Variants in PPP1R9A observed in about 807,000 individuals in gnomAD.
The protein encoded by PPP1R9A is protein phosphatase 1 regulatory subunit 9A.
PPP1R9A carries 59 observed loss-of-function variants against 141.9 expected under a neutral mutation model. That is an observed-to-expected ratio of 0.42 (90% CI 0.34 to 0.52). The LOEUF (loss-of-function observed/expected upper bound fraction) is 0.52, where lower values mean the gene tolerates loss of function less well. Among genes scored for constraint, PPP1R9A ranks in the 20% least tolerant of loss-of-function variants. The probability of loss-of-function intolerance (pLI) is 0.10; values close to 1 mark genes in which losing one functional copy is unlikely to be tolerated. For missense variants in PPP1R9A, 1,444 were observed against 1,611.9 expected (o/e 0.90, Z 1.78); for synonymous variants, 500 against 569.7 (o/e 0.88, Z 1.74).
intron 4 of PPP1R9A, among the ~76,000 whole-genome samples, chr7:95,146,436 T>C (rs1039476636): frequency 1.9e-4 from 29 of 152,138 alleles, no homozygotes; most frequent in Admixed American, 9.2e-4. Flanking sequence ...TTTTCTCCCA[T>C]TCTGTAGGTT....
rs780539639 is a variant in PPP1R9A at position 95,269,389 on chromosome 7, G to T, written c.3006G>T (p.Gly1002=). 4.4e-6 allele frequency: 7 copies of T among 1,597,408 alleles called. 1 individual carries two copies. The highest frequency in any genetic ancestry group is 2.7e-5 in the African/African-American group (2 of 74,736). The change falls in exon 14 of 20, where the codon GGG becomes GGT. Residue 1002 remains glycine (G), a synonymous_variant. Coordinates refer to ENST00000433360, the MANE Select transcript of PPP1R9A (RefSeq NM_001166160.2). ...AAGAACCACTGGACCCAGAAATGGG[G>T]CCTCTCTCCTCTATGTGGGGAGACA... ...FQEEPLDPEM[G]PLSSMWGDTS... is the part of the protein sequence containing the mutation.
intron 5 of PPP1R9A, among the ~76,000 whole-genome samples, chr7:95,184,347 A>G (rs1158448290): frequency 2.6e-5 from 4 of 152,200 alleles, no homozygotes; most frequent in Non-Finnish European, 4.4e-5. Context: ...TTAGAGATAT[A>G]TGTTTCAGGT....
At chr7:95,129,744 G>A (rs915555100) in intron 4 of PPP1R9A, among the ~76,000 whole-genome samples, 15 of 152,218 alleles carry the variant, frequency 9.9e-5, no homozygotes, top group African/African-American at 3.6e-4. Context: ...AGATGGAGAA[G>A]AGGAACTTGT....
chr7:95,063,688 G>T (rs192211546), intron 2 of PPP1R9A, among the ~76,000 whole-genome samples: 1 of 152,154 alleles, frequency 6.6e-6, no homozygotes, highest in Non-Finnish European at 1.5e-5. Context: ...CTACTTTGGC[G>T]TGCACTTGTA....
In PPP1R9A at chr7:95,072,715, T is replaced by G. The variant is rs1285708091; in HGVS notation, c.1396-38544T>G. On this transcript the variant is annotated intron_variant, in intron 2 of 19. Coordinates refer to ENST00000433360, the MANE Select transcript of PPP1R9A (RefSeq NM_001166160.2). ...TTATGTAATATAATATATAATATATTATATGTATATTTATTACATATAATA... is the reference window on the plus strand; with the variant it reads ...TTATGTAATATAATATATAATATATGATATGTATATTTATTACATATAATA... 3.5e-5 allele frequency among the ~76,000 whole-genome samples: 4 copies of G among 113,436 alleles called. No homozygotes were observed. The East Asian group carries it at 8.5e-4, about 24-fold the overall frequency. 74.4% of individuals were successfully genotyped at this position (113,436 alleles called of 152,430 possible). A position where few individuals can be genotyped will look rare whatever the true frequency, so the allele number is the denominator to read the frequency against.
At chr7:94,921,228 C>T (rs923208117) in intron 2 of PPP1R9A, among the ~76,000 whole-genome samples, 2 of 151,914 alleles carry the variant, frequency 1.3e-5, no homozygotes, top group Non-Finnish European at 2.9e-5. Flanking sequence ...GGGCGGATCA[C>T]GAGGTCAGGA....
intron 5 of PPP1R9A, among the ~76,000 whole-genome samples, chr7:95,187,830 T>G (rs749747981): frequency 6.6e-6 from 1 of 152,122 alleles, no homozygotes; most frequent in African/African-American, 2.4e-5. Flanking sequence ...TTTTTTTGAG[T>G]CGATTTCCAG....
intron 2 of PPP1R9A, among the ~76,000 whole-genome samples, chr7:94,964,447 T>C (rs1248412088): frequency 6.6e-6 from 1 of 152,160 alleles, no homozygotes; most frequent in East Asian, 1.9e-4. Flanking sequence ...CAACCTGTCA[T>C]CTACATTAGG....
chr7:94,972,623 G>A (rs1020711489), intron 2 of PPP1R9A, among the ~76,000 whole-genome samples: 25 of 152,132 alleles, frequency 1.6e-4, no homozygotes, highest in Non-Finnish European at 5.9e-5. Context: ...TATTCCAGCT[G>A]TGTTTCCTGG....
Position 95,274,151 on chromosome 7 carries a change from G to A in PPP1R9A, c.3279G>A (p.Arg1093=), listed in dbSNP as rs750982660. The A allele has an allele frequency of 2.5e-6, 4 of 1,575,990 alleles. No homozygotes were observed. The highest frequency in any genetic ancestry group is 4.5e-5 in the East Asian group (2 of 44,078). Residue 1093 remains arginine (R), a synonymous_variant, in exon 16 of 20, where the codon AGG becomes AGA. Transcript: ENST00000433360. ...AAGAAAAAGAAAAAGAAGCCAGTAG[G>A]TTTTCTGCAGGTAGCAGGTACGGTT... ...KWKEKEKEAS[R]FSAGSRIFRG...
chr7:95,145,184 T>C (rs192083699), intron 4 of PPP1R9A, among the ~76,000 whole-genome samples: 1 of 152,274 alleles, frequency 6.6e-6, no homozygotes, highest in Non-Finnish European at 1.5e-5. Context: ...GTAATAAACA[T>C]TTCAAGTATT....
At chr7:94,963,748 T>A (rs1191837647) in intron 2 of PPP1R9A, among the ~76,000 whole-genome samples, 1 of 152,210 alleles carries the variant, frequency 6.6e-6, no homozygotes, top group Non-Finnish European at 1.5e-5. Flanking sequence ...TGCAATACTT[T>A]ATGTATTAGG....
intron 8 of PPP1R9A, among the ~76,000 whole-genome samples, chr7:95,246,252 T>G (rs1191852424): frequency 6.6e-6 from 1 of 152,188 alleles, no homozygotes; most frequent in Admixed American, 6.5e-5. Context: ...TGAGGTGCTG[T>G]GGTCTCCACA....
At chr7:95,225,870 T>A in intron 7 of PPP1R9A, 91 bp from the exon 8 acceptor site, 1 of 1,366,596 alleles carries the variant, frequency 7.3e-7, no homozygotes, top group East Asian at 2.4e-5. Flanking sequence ...TTTGGGTACA[T>A]GTCTTACTTG....
intron 8 of PPP1R9A, among the ~76,000 whole-genome samples, chr7:95,239,509 G>T (rs905304849): frequency 3.9e-5 from 6 of 152,070 alleles, no homozygotes; most frequent in Non-Finnish European, 7.4e-5. Flanking sequence ...CAGTTGAGTG[G>T]TGATTGTGCC....
At position 95,293,365 on chromosome 7, in the gene PPP1R9A, A is replaced by G. The variant is rs773096142; in HGVS notation, c.*3062A>G. ...AAGAAACCTCATTTCATCCATTCTA[A>G]CACTCCTGATGAAGTCCCCCTTTAG... On this transcript the variant is annotated 3_prime_UTR_variant, in exon 20 of 20. Transcript: ENST00000433360. 1.2e-4 allele frequency: 19 copies of G among 152,182 alleles called. No individual in the cohort carries two copies. Among genetic ancestry groups the G allele is most frequent in the Non-Finnish European group, 2.5e-4 (17 of 68,040 alleles). The allele number at this position is 152,182 out of a possible 1,614,324, so 9.4% of individuals were successfully genotyped here.
chr7:95,073,859 G>T (rs1055654882), intron 2 of PPP1R9A, among the ~76,000 whole-genome samples: 4 of 151,776 alleles, frequency 2.6e-5, no homozygotes, highest in African/African-American at 9.7e-5. Context: ...TGAGATTATA[G>T]TCATAAGCCA....
intron 16 of PPP1R9A, 23 bp from the exon 17 acceptor site, chr7:95,283,995 C>T: frequency 6.5e-7 from 1 of 1,546,634 alleles, no homozygotes; most frequent in East Asian, 2.2e-5. Context: ...TTATCTAACA[C>T]ACCCATTCTT....
At chr7:95,269,153 C>T in intron 13 of PPP1R9A, 54 bp from the exon 14 acceptor site, 2 of 1,449,634 alleles carry the variant, frequency 1.4e-6, no homozygotes, top group Admixed American at 2.1e-5. Context: ...GTAAGTATTG[C>T]ATAGAACTGA....
Sources: allele counts gnomAD v4.1 joint callset (sites outside exome capture counted in the v4.1 genomes callset), GRCh38; gene constraint gnomAD v4.1.1; transcripts MANE v1.5; gene names NCBI Gene and HGNC (gene_info 2026-07-23, HGNC 2026-07-21).